TRPM3: variants seen among roughly 807,000 people sequenced by gnomAD.
TRPM3 encodes long transient receptor potential channel 3.
TRPM3 carries 77 observed loss-of-function variants against 181.2 expected under a neutral mutation model. The ratio of observed to expected loss-of-function variants is 0.42; its 90% CI spans 0.35 to 0.51. TRPM3 has a LOEUF of 0.51. TRPM3 is among the 20% of genes least tolerant of loss of function. The pLI is 0.01. For synonymous variants in TRPM3, 745 were observed against 796.4 expected, an observed-to-expected ratio of 0.94 and a Z score of 1.09; for missense variants, 1,759 against 2,196.7, an observed-to-expected ratio of 0.80 and a Z score of 3.98.
intron 1 of TRPM3, among the ~76,000 whole-genome samples, chr9:71,255,977 C>CG (rs1339539561): frequency 1.3e-5 from 2 of 152,002 alleles, no homozygotes; most frequent in Non-Finnish European, 2.9e-5. Context: ...GAAAAAAAAT[C>CG]GATTTATTGC....
intron 1 of TRPM3, among the ~76,000 whole-genome samples, chr9:71,338,170 C>A (rs1003054709): frequency 6.6e-6 from 1 of 151,962 alleles, no homozygotes; most frequent in African/African-American, 2.4e-5. Flanking sequence ...CTTCAGCCAT[C>A]CCTTTTTGAA....
chr9:71,007,938 TAAAC>T (rs2097697353), intron 1 of TRPM3, among the ~76,000 whole-genome samples: 1 of 151,722 alleles, frequency 6.6e-6, no homozygotes. Flanking sequence ...AGAGCAGAAA[TAAAC>T]AAAATAGATT....
At chr9:70,941,958 G>A (rs191344597) in intron 1 of TRPM3, among the ~76,000 whole-genome samples, 10 of 152,264 alleles carry the variant, frequency 6.6e-5, no homozygotes, top group Admixed American at 2.6e-4. Flanking sequence ...GAATCAGACA[G>A]AGGCCCTTGG....
chr9:70,567,975 AG>A (rs1670790816), intron 22 of TRPM3, among the ~76,000 whole-genome samples: 1 of 152,238 alleles, frequency 6.6e-6, no homozygotes, highest in African/African-American at 2.4e-5. Flanking sequence ...AGAGAAAAAA[AG>A]ACAGGAGAGT....
intron 9 of TRPM3, 36 bp from the exon 10 acceptor site, chr9:70,640,696 G>A: frequency 6.5e-7 from 1 of 1,545,976 alleles, no homozygotes; most frequent in Non-Finnish European, 8.9e-7. Context: ...GAGTGGAAGA[G>A]AGAAAACGAC....
At chr9:71,049,002 C>G (rs984415026) in intron 1 of TRPM3, among the ~76,000 whole-genome samples, 35 of 152,174 alleles carry the variant, frequency 2.3e-4, no homozygotes, top group African/African-American at 7.0e-4. Flanking sequence ...CCTTCAAACT[C>G]ACATTCTTAA....
rs182121348 is a variant in TRPM3 at position 70,961,808 on chromosome 9, G to T, written c.178-97297C>A. ...GCATTAAATTGGTATTTATAAGTTT[G>T]GTTTTTGTAAACTGAGACATATTAT... is the stretch of plus-strand genomic sequence containing the variant. On this transcript the variant is annotated intron_variant, in intron 1 of 25. Coordinates refer to ENST00000677713, the MANE Select transcript of TRPM3 (RefSeq NM_001366145.2). 5.9e-5 allele frequency among the ~76,000 whole-genome samples: 9 copies of T among 152,090 alleles called. No individual in the cohort carries two copies. The East Asian group carries it at 7.7e-4, about 13-fold the overall frequency.
chr9:70,751,794 T>C (rs1185969256), intron 8 of TRPM3, among the ~76,000 whole-genome samples: 1 of 152,018 alleles, frequency 6.6e-6, no homozygotes. Context: ...AGAGAATGAC[T>C]GTAGAGAAGA....
At chr9:70,836,676 A>C (rs2094344247) in intron 5 of TRPM3, among the ~76,000 whole-genome samples, 1 of 152,240 alleles carries the variant, frequency 6.6e-6, no homozygotes, top group African/African-American at 2.4e-5. Context: ...TCTCCTTTGC[A>C]GGCTGCTTGT....
intron 1 of TRPM3, among the ~76,000 whole-genome samples, chr9:70,972,094 A>C (rs2133931715): frequency 6.6e-6 from 1 of 152,334 alleles, no homozygotes; most frequent in South Asian, 2.1e-4. Flanking sequence ...CATATATCTA[A>C]AAGAACTGAA....
At chr9:70,671,130 G>T (rs1189405474) in intron 9 of TRPM3, among the ~76,000 whole-genome samples, 1 of 152,134 alleles carries the variant, frequency 6.6e-6, no homozygotes, top group Non-Finnish European at 1.5e-5. Context: ...CTATTAAATA[G>T]ATATCCCAGA....
intron 1 of TRPM3, among the ~76,000 whole-genome samples, chr9:71,393,415 C>G (rs1464858725): frequency 6.6e-6 from 1 of 151,878 alleles, no homozygotes; most frequent in Admixed American, 6.6e-5. Context: ...AGTGATGGGG[C>G]AAGAAATGAA....
chr9:71,251,087 TA>T (rs1477088863), intron 1 of TRPM3, among the ~76,000 whole-genome samples: 3 of 152,198 alleles, frequency 2.0e-5, no homozygotes, highest in Non-Finnish European at 2.9e-5. Flanking sequence ...CTTGTACTTT[TA>T]GAGAAAGTTT....
intron 1 of TRPM3, among the ~76,000 whole-genome samples, chr9:71,220,364 T>TATC (rs1389835879): frequency 1.3e-5 from 2 of 149,906 alleles, no homozygotes; most frequent in African/African-American, 4.9e-5. Context: ...GATTTATTAT[T>TATC]ATTATTATTA....
In TRPM3 at chr9:70,791,003, G is replaced by C. The variant is rs182865844; in HGVS notation, c.974-6724C>G. ...CTAGGGGTGACATTTGAAAATAAAT[G>C]CATCTCATTTTAACTAGAATGTCTC... On this transcript the variant is annotated intron_variant, in intron 6 of 25. Transcript: ENST00000677713. 1.9e-3 allele frequency among the ~76,000 whole-genome samples: 294 copies of C among 152,256 alleles called. 2 individuals are homozygous for C. The highest frequency in any genetic ancestry group is 3.4e-3 in the Middle Eastern group (1 of 294).
rs1490013045 is a variant in TRPM3, at chr9:70,529,654, A to T, written c.*6299T>A. ...AATATACATGCATATATCATTCAGA[A>T]CAAGAGTAACTCTGAATAAGGCGAG... On this transcript the variant is annotated 3_prime_UTR_variant, in exon 26 of 26. Coordinates refer to ENST00000677713, the MANE Select transcript of TRPM3 (RefSeq NM_001366145.2). 2 of 152,196 alleles carry T rather than the reference A, an allele frequency of 1.3e-5. No homozygotes were observed. Among genetic ancestry groups the T allele is most frequent in the African/African-American group, 4.8e-5 (2 of 41,436 alleles). 9.4% of individuals were successfully genotyped at this position (152,196 alleles called of 1,614,324 possible). A position where few individuals can be genotyped will look rare whatever the true frequency, so the allele number is the denominator to read the frequency against.
At chr9:70,969,779 T>TACAC (rs375252514) in intron 1 of TRPM3, among the ~76,000 whole-genome samples, 8 of 139,860 alleles carry the variant, frequency 5.7e-5, no homozygotes, top group African/African-American at 2.1e-4. Context: ...TATATATATA[T>TACAC]ACACACACAC....
At chr9:70,961,032 T>C (rs7021501) in intron 1 of TRPM3, among the ~76,000 whole-genome samples, 44,824 of 152,076 alleles carry the variant, frequency 0.29, 7,133 homozygotes, top group African/African-American at 0.43. Flanking sequence ...TTATCTTACA[T>C]GGCAAGAGGG....
At chr9:71,263,489 GT>G (rs1415352397) in intron 1 of TRPM3, among the ~76,000 whole-genome samples, 1 of 152,172 alleles carries the variant, frequency 6.6e-6, no homozygotes, top group Non-Finnish European at 1.5e-5. Flanking sequence ...CTTTTGAGCA[GT>G]AGCTCTCAGG....
Sources: gnomAD v4.1 joint callset for allele counts (sites outside exome capture counted in the v4.1 genomes callset) on GRCh38, gnomAD v4.1.1 for gene constraint, MANE v1.5 for transcripts, NCBI Gene and HGNC (gene_info 2026-07-23, HGNC 2026-07-21) for gene names.